Variants in MB21D2 observed in about 807,000 individuals in gnomAD.
The protein encoded by MB21D2 is nucleotidyltransferase MB21D2.
Under a neutral mutation model 33.3 loss-of-function variants are expected in MB21D2, and 9 were observed. That is an observed-to-expected ratio of 0.27 (90% CI 0.16 to 0.47). The LOEUF (loss-of-function observed/expected upper bound fraction) is 0.47. MB21D2 is among the 20% of genes least tolerant of loss of function. The probability of loss-of-function intolerance (pLI) is 0.99; values close to 1 mark genes in which losing one functional copy is unlikely to be tolerated. For synonymous variants in MB21D2, 241 were observed against 236.3 expected, an observed-to-expected ratio of 1.02 and a Z score of -0.18; for missense variants, 540 against 624.6, an observed-to-expected ratio of 0.86 and a Z score of 1.44.
chr3:192,879,767 A>C (rs1030327643), intron 1 of MB21D2, among the ~76,000 whole-genome samples: 14 of 152,252 alleles, frequency 9.2e-5, no homozygotes, highest in African/African-American at 2.9e-4. Flanking sequence ...GTCATAAACA[A>C]TTAAAATGGA....
intron 1 of MB21D2, among the ~76,000 whole-genome samples, chr3:192,887,848 C>T (rs74951986): frequency 6.6e-6 from 1 of 152,002 alleles, no homozygotes; most frequent in Non-Finnish European, 1.5e-5. Flanking sequence ...ATCTGAGTCA[C>T]CCTGGGACCT....
At chr3:192,910,645 A>C (rs1379922506) in intron 1 of MB21D2, among the ~76,000 whole-genome samples, 1 of 152,220 alleles carries the variant, frequency 6.6e-6, no homozygotes, top group African/African-American at 2.4e-5. Context: ...ATTTACTCCT[A>C]ATAAAAGAGC....
chr3:192,826,648 T>C (rs1424514346), intron 1 of MB21D2, among the ~76,000 whole-genome samples: 2 of 152,232 alleles, frequency 1.3e-5, no homozygotes, highest in South Asian at 2.1e-4. Context: ...AGTGTTAAAC[T>C]GGCCTCTTAA....
At chr3:192,850,426 G>A (rs1487404180) in intron 1 of MB21D2, among the ~76,000 whole-genome samples, 1 of 152,252 alleles carries the variant, frequency 6.6e-6, no homozygotes, top group East Asian at 1.9e-4. Context: ...CTTGAGGTTC[G>A]AGGCTCTCAA....
intron 1 of MB21D2, among the ~76,000 whole-genome samples, chr3:192,902,301 G>C (rs1353912354): frequency 2.0e-5 from 3 of 152,142 alleles, no homozygotes; most frequent in South Asian, 2.1e-4. Flanking sequence ...CAACCACATA[G>C]AGCCCGGCGT....
intron 1 of MB21D2, among the ~76,000 whole-genome samples, chr3:192,875,343 G>A (rs1012768775): frequency 6.6e-6 from 1 of 152,204 alleles, no homozygotes; most frequent in Non-Finnish European, 1.5e-5. Flanking sequence ...ACGAATGGAT[G>A]AATGGATGAA....
intron 1 of MB21D2, among the ~76,000 whole-genome samples, chr3:192,846,344 C>T (rs1305335951): frequency 1.3e-5 from 2 of 152,102 alleles, no homozygotes; most frequent in Admixed American, 6.6e-5. Flanking sequence ...TTACTATAGG[C>T]CAGGCTTGGA....
chr3:192,854,991 ATGT>A (rs1251137411), intron 1 of MB21D2, among the ~76,000 whole-genome samples: 2 of 152,230 alleles, frequency 1.3e-5, no homozygotes, highest in Admixed American at 6.5e-5. Flanking sequence ...AATAAAACTA[ATGT>A]TGTTTTCAGT....
intron 1 of MB21D2, among the ~76,000 whole-genome samples, chr3:192,909,659 G>A (rs1301036404): frequency 1.3e-5 from 2 of 152,110 alleles, no homozygotes; most frequent in Non-Finnish European, 2.9e-5. Context: ...GGCCAGACAC[G>A]GTGGCTCACG....
intron 1 of MB21D2, among the ~76,000 whole-genome samples, chr3:192,849,523 G>A (rs924458522): frequency 6.6e-6 from 1 of 152,024 alleles, no homozygotes; most frequent in Non-Finnish European, 1.5e-5. Context: ...TCACCATGTT[G>A]GTCAGGCTGG....
At position 192,811,722 on chromosome 3, in the gene MB21D2, T is replaced by C. The variant is rs149887089; in HGVS notation, c.212-12072A>G. On this transcript the variant is annotated intron_variant, in intron 1 of 1. Coordinates refer to ENST00000392452, the MANE Select transcript of MB21D2 (RefSeq NM_178496.4). ...AGCTTTGGAGAGGTGAAAATCCATA[T>C]ATTTTTCAGATACAGGCATTTCTTT... 6.2e-3 allele frequency among the ~76,000 whole-genome samples: 947 copies of C among 152,306 alleles called. 6 individuals carry two copies. The highest frequency in any genetic ancestry group is 0.014 in the Admixed American group (217 of 15,302).
At chr3:192,847,587 A>G (rs1712703087) in intron 1 of MB21D2, among the ~76,000 whole-genome samples, 1 of 152,234 alleles carries the variant, frequency 6.6e-6, no homozygotes, top group South Asian at 2.1e-4. Context: ...AGTCACAACA[A>G]TGAAACACCC....
intron 1 of MB21D2, among the ~76,000 whole-genome samples, chr3:192,880,088 T>C (rs1713527265): frequency 6.6e-6 from 1 of 152,166 alleles, no homozygotes; most frequent in Non-Finnish European, 1.5e-5. Flanking sequence ...CTCACGTCTG[T>C]AATCCCAGCA....
At chr3:192,875,087 C>G (rs1409008854) in intron 1 of MB21D2, among the ~76,000 whole-genome samples, 1 of 152,080 alleles carries the variant, frequency 6.6e-6, no homozygotes, top group Non-Finnish European at 1.5e-5. Flanking sequence ...GAGACCCCGA[C>G]TGATACAGTG....
chr3:192,911,044 G>A (rs1301917317), intron 1 of MB21D2, among the ~76,000 whole-genome samples: 2 of 152,134 alleles, frequency 1.3e-5, no homozygotes, highest in African/African-American at 4.8e-5. Flanking sequence ...CTTGCCCAAC[G>A]TCACACAGCA....
intron 1 of MB21D2, among the ~76,000 whole-genome samples, chr3:192,901,906 G>A (rs1714111188): frequency 6.6e-6 from 1 of 152,200 alleles, no homozygotes; most frequent in Admixed American, 6.5e-5. Flanking sequence ...CCCATTGGGG[G>A]AGTGTGGGGG....
At chr3:192,891,311 C>A (rs908326752) in intron 1 of MB21D2, among the ~76,000 whole-genome samples, 3 of 152,132 alleles carry the variant, frequency 2.0e-5, no homozygotes, top group Non-Finnish European at 4.4e-5. Context: ...AGACTGCAGG[C>A]AGCCGATTCA....
intron 1 of MB21D2, among the ~76,000 whole-genome samples, chr3:192,884,543 T>TA (rs1713684124): frequency 3.1e-5 from 1 of 31,976 alleles, no homozygotes; most frequent in South Asian, 1.6e-3. Flanking sequence ...ATTTTTTGTA[T>TA]TTTTTAGTAG....
intron 1 of MB21D2, among the ~76,000 whole-genome samples, chr3:192,850,381 A>G (rs1356776435): frequency 6.6e-6 from 1 of 152,118 alleles, no homozygotes; most frequent in Non-Finnish European, 1.5e-5. Flanking sequence ...CAGACTGTAT[A>G]CCTCTCAAGG....
Sources: gnomAD v4.1 joint callset for allele counts (sites outside exome capture counted in the v4.1 genomes callset) on GRCh38, gnomAD v4.1.1 for gene constraint, MANE v1.5 for transcripts, NCBI Gene and HGNC (gene_info 2026-07-23, HGNC 2026-07-21) for gene names.